Variants in CFAP58 observed in about 807,000 individuals in gnomAD.
The protein encoded by CFAP58 is cilia- and flagella-associated protein 58.
Under a neutral mutation model 119.5 loss-of-function variants are expected in CFAP58, and 88 were observed. The ratio of observed to expected loss-of-function variants is 0.74; its 90% confidence interval spans 0.62 to 0.88. CFAP58 has a LOEUF of 0.88. Ranked by LOEUF, CFAP58 falls within the 40% of genes least tolerant of loss-of-function variation. The probability of loss-of-function intolerance (pLI) is 0.00; values close to 1 mark genes in which losing one functional copy is unlikely to be tolerated. For synonymous variants in CFAP58, 365 were observed against 366.3 expected (o/e 1.00, Z 0.04); for missense variants, 990 against 1,021.2 (o/e 0.97, Z 0.42).
intron 13 of CFAP58, among the ~76,000 whole-genome samples, chr10:104,403,074 T>C (rs1216696881): frequency 6.6e-6 from 1 of 152,206 alleles, no homozygotes; most frequent in African/African-American, 2.4e-5. Flanking sequence ...ATGGTCTGAC[T>C]CTGTGTCCCC....
chr10:104,437,701 A>C (rs2133086340), intron 15 of CFAP58, among the ~76,000 whole-genome samples: 1 of 152,300 alleles, frequency 6.6e-6, no homozygotes, highest in South Asian at 2.1e-4. Flanking sequence ...TAGGCACTTC[A>C]AAAAAGAATG....
At chr10:104,392,497 A>G in intron 10 of CFAP58, 103 bp downstream of exon 10, 2 of 790,378 alleles carry the variant, frequency 2.5e-6, no homozygotes, top group Non-Finnish European at 3.7e-6. Context: ...ATTAAAAAAA[A>G]AACTCATGGA....
chr10:104,377,914 G>T lies in CFAP58; in HGVS notation c.1173+1021G>T, dbSNP rs903576161. Among the ~76,000 whole-genome samples, 12 of 152,108 alleles carry T rather than the reference G, an allele frequency of 7.9e-5. No homozygotes were observed. In the East Asian group the frequency reaches 1.9e-3, roughly 24 times the overall value. On this transcript the variant is annotated intron_variant, in intron 8 of 17. Transcript: ENST00000369704. ...AATTGCTTTTTTATTCTATACATTT[G>T]TACATATAAACAATAGTGTTGGATT...
chr10:104,399,583 C>G, intron 12 of CFAP58, 83 bp downstream of exon 12: 4 of 1,422,902 alleles, frequency 2.8e-6, no homozygotes, highest in Non-Finnish European at 3.8e-6. Flanking sequence ...TCCTTCCTCT[C>G]TAAGCTCTTC....
At chr10:104,371,102 C>T in intron 7 of CFAP58, 48 bp downstream of exon 7, 1 of 1,535,560 alleles carries the variant, frequency 6.5e-7, no homozygotes, top group Non-Finnish European at 8.8e-7. Flanking sequence ...TTATTGGTGA[C>T]TGATGTTATC....
chr10:104,438,008 G>A (rs1309788732), intron 15 of CFAP58, among the ~76,000 whole-genome samples: 2 of 152,128 alleles, frequency 1.3e-5, no homozygotes, highest in African/African-American at 2.4e-5. Context: ...CTCAGAGGAG[G>A]AAACACAAAT....
At chr10:104,415,864 T>G (rs147403578) in intron 15 of CFAP58, among the ~76,000 whole-genome samples, 174 of 152,330 alleles carry the variant, frequency 1.1e-3, no homozygotes, top group African/African-American at 4.1e-3. Flanking sequence ...AGGAACCAGA[T>G]GACATGATGA....
chr10:104,439,375 ATGT>A (rs1448192382), intron 15 of CFAP58, among the ~76,000 whole-genome samples: 2 of 152,184 alleles, frequency 1.3e-5, no homozygotes, highest in South Asian at 4.1e-4. Context: ...CTATAATATA[ATGT>A]TGTCAGTTAT....
the CFAP58 span, among the ~76,000 whole-genome samples, chr10:104,345,492 CTG>C: frequency 2.1e-4 from 32 of 152,162 alleles, no homozygotes; most frequent in East Asian, 4.8e-3. Flanking sequence ...AGAGTAATTG[CTG>C]TGTGTGTGAG....
At chr10:104,404,155 G>A (rs1377838779) in intron 14 of CFAP58, among the ~76,000 whole-genome samples, 1 of 152,194 alleles carries the variant, frequency 6.6e-6, no homozygotes, top group Non-Finnish European at 1.5e-5. Context: ...TCCTAAGGCT[G>A]CCTGTTAGTC....
At chr10:104,344,682 G>A in the CFAP58 span, among the ~76,000 whole-genome samples, 61,219 of 151,938 alleles carry the variant, frequency 0.4, 14,576 homozygotes, top group African/African-American at 0.67. Flanking sequence ...ACTGGTCTCT[G>A]CTGTCCTAGA....
chr10:104,453,143 T>C (rs2013221264), intron 17 of CFAP58, among the ~76,000 whole-genome samples: 1 of 152,106 alleles, frequency 6.6e-6, no homozygotes, highest in East Asian at 1.9e-4. Context: ...ATTCAGGTTA[T>C]TTAAGGTGAG....
At chr10:104,376,691 T>A (rs2011673113) in intron 7 of CFAP58, 120 bp from the exon 8 acceptor site, 3 of 677,498 alleles carry the variant, frequency 4.4e-6, no homozygotes, top group Non-Finnish European at 7.6e-6. Context: ...TACACTTGGT[T>A]AATAGTAGTT....
At chr10:104,344,093 A>G in the CFAP58 span, among the ~76,000 whole-genome samples, 1 of 152,216 alleles carries the variant, frequency 6.6e-6, no homozygotes, top group East Asian at 1.9e-4. Flanking sequence ...TGTTTTGAAA[A>G]CTGTTATTGG....
intron 9 of CFAP58, among the ~76,000 whole-genome samples, chr10:104,386,139 A>G (rs2011917890): frequency 1.3e-5 from 2 of 149,742 alleles, no homozygotes; most frequent in South Asian, 4.2e-4. Context: ...GCACTTTGGG[A>G]GGCCAAGGTG....
At chr10:104,370,525 G>A (rs897331182) in intron 6 of CFAP58, among the ~76,000 whole-genome samples, 6 of 152,156 alleles carry the variant, frequency 3.9e-5, no homozygotes, top group Non-Finnish European at 5.9e-5. Flanking sequence ...CAGGAGAATA[G>A]CATGGGAAAG....
intron 17 of CFAP58, among the ~76,000 whole-genome samples, chr10:104,450,613 G>GATGCC (rs2013178617): frequency 6.6e-6 from 1 of 152,092 alleles, no homozygotes; most frequent in Admixed American, 6.6e-5. Flanking sequence ...GCTTAGTAAA[G>GATGCC]CTGTTCTTTC....
At chr10:104,428,564 G>A (rs546461899) in intron 15 of CFAP58, among the ~76,000 whole-genome samples, 3 of 152,232 alleles carry the variant, frequency 2.0e-5, no homozygotes, top group African/African-American at 4.8e-5. Flanking sequence ...TGCTCTTCTC[G>A]TCACTGGTAA....
intron 9 of CFAP58, among the ~76,000 whole-genome samples, chr10:104,386,387 A>T (rs10786790): frequency 0.28 from 41,643 of 148,386 alleles, 6,004 homozygotes; most frequent in East Asian, 0.38. Flanking sequence ...CAAAAAAAAA[A>T]AAATAAATAA....
Sources: allele counts gnomAD v4.1 joint callset (sites outside exome capture counted in the v4.1 genomes callset), GRCh38; gene constraint gnomAD v4.1.1; transcripts MANE v1.5; gene names NCBI Gene and HGNC (gene_info 2026-07-23, HGNC 2026-07-21).